The following APC variants were observed in gnomAD, a reference collection of about 807,000 sequenced individuals.
APC encodes adenomatous polyposis coli protein.
In APC, 72 loss-of-function variants were observed where a neutral mutation model predicts 247.0. That is an observed-to-expected ratio of 0.29 (90% CI 0.24 to 0.35). The LOEUF is 0.35. Ranked by LOEUF, APC falls within the 10% of genes least tolerant of loss-of-function variation. The pLI is 1.00. For missense variants in APC, 3,400 were observed against 3,360.7 expected (o/e 1.01, Z -0.29); for synonymous variants, 1,254 against 1,162.5 (o/e 1.08, Z -1.60).
At chr5:112,723,651 TGTCCCAGCCCTGCCCACA>T (rs1751606836) in intron 1 of APC, among the ~76,000 whole-genome samples, 1 of 152,218 alleles carries the variant, frequency 6.6e-6, no homozygotes, top group Non-Finnish European at 1.5e-5. Context: ...GGAATGATGA[TGTCCCAGCCCTGCCCACA>T]AAAAACCATT....
intron 7 of APC, among the ~76,000 whole-genome samples, chr5:112,800,289 C>G (rs1057357186): frequency 3.3e-5 from 5 of 152,092 alleles, no homozygotes; most frequent in African/African-American, 4.8e-5. Flanking sequence ...TATATCTATT[C>G]TTGTGGATTC....
intron 5 of APC, among the ~76,000 whole-genome samples, chr5:112,779,976 G>T (rs1758145656): frequency 6.6e-6 from 1 of 152,144 alleles, no homozygotes; most frequent in Non-Finnish European, 1.5e-5. Context: ...AACATTGCCT[G>T]ATTCCCTTCA....
chr5:112,714,444 A>T (rs994929307), intron 1 of APC, among the ~76,000 whole-genome samples: 2 of 152,258 alleles, frequency 1.3e-5, no homozygotes, highest in Non-Finnish European at 2.9e-5. Flanking sequence ...GCTTAAACAA[A>T]AAAAGGGACT....
At chr5:112,721,436 A>G (rs540758305) in intron 1 of APC, among the ~76,000 whole-genome samples, 2 of 152,318 alleles carry the variant, frequency 1.3e-5, no homozygotes, top group Admixed American at 6.5e-5. Flanking sequence ...AAATAAAAAA[A>G]TAAAGACTGA....
At chr5:112,835,230 T>A in intron 15 of APC, 65 bp downstream of exon 15, 1 of 1,367,318 alleles carries the variant, frequency 7.3e-7, no homozygotes, top group Admixed American at 1.9e-5. Context: ...GACCTAATTG[T>A]AAGCAATGTT....
At chr5:112,748,461 T>A (rs1461442261) in intron 1 of APC, among the ~76,000 whole-genome samples, 1 of 152,194 alleles carries the variant, frequency 6.6e-6, no homozygotes, top group African/African-American at 2.4e-5. Flanking sequence ...TTCTCTTTTT[T>A]AAATTTTACT....
At chr5:112,830,032 A>G (rs1028578066) in intron 14 of APC, 1 of 152,114 alleles carries the variant, frequency 6.6e-6, no homozygotes, top group Admixed American at 6.5e-5. Context: ...TAGTCCTCCT[A>G]TACCCACAGC....
Position 112,842,090 on chromosome 5 carries a change from C to A in APC, c.6496C>A (p.Arg2166=), listed in dbSNP as rs764527706. 12 of 1,610,218 alleles carry A rather than the reference C, an allele frequency of 7.5e-6. No individual in the cohort carries two copies. The highest frequency in any genetic ancestry group is 1.0e-5 in the Non-Finnish European group (12 of 1,177,062). ...EKPFTSNKGP[R]ILKPGEKSTL... ...ACCCTTTACAAGTAATAAAGGCCCA[C>A]GAATTCTAAAACCAGGGGAGAAAAG... Residue 2166 remains arginine, a synonymous_variant, in exon 16 of 16, where the codon CGA becomes AGA. Coordinates refer to ENST00000257430, the MANE Select transcript of APC (RefSeq NM_000038.6).
Position 112,717,908 on chromosome 5 carries a change from CTTTTTTTTTTTTTTTTTTT to C in APC, c.165+10037_165+10055del. Among the ~76,000 whole-genome samples, 5 of 40,656 alleles carry C rather than the reference CTTTTTTTTTTTTTTTTTTT, an allele frequency of 1.2e-4. 1 individual carries two copies. The South Asian group carries it at 3.9e-3, about 31-fold the overall frequency. The allele number at this position is 40,656 out of a possible 152,430, so 26.7% of individuals were successfully genotyped here. On this transcript the variant is annotated intron_variant, in intron 1 of 13. Transcript: ENST00000507379. The stretch of plus-strand genomic sequence containing the variant: ...CTCTTTTCTTTTTCTTTTTCTTTTT[CTTTTTTTTTTTTTTTTTTT>C]TTTTTTTTTTGCTTCTTTTTGACCT...
At chr5:112,832,273 C>T (rs1764376625) in intron 14 of APC, among the ~76,000 whole-genome samples, 1 of 152,082 alleles carries the variant, frequency 6.6e-6, no homozygotes, top group East Asian at 1.9e-4. Flanking sequence ...CATCTTAATT[C>T]AGTCCTTTAA....
At chr5:112,836,696 G>T (rs1207532903) in intron 15 of APC, among the ~76,000 whole-genome samples, 1 of 151,968 alleles carries the variant, frequency 6.6e-6, no homozygotes, top group East Asian at 1.9e-4. Context: ...CCAAAGAGCA[G>T]TTTTTCTTTT....
intron 9 of APC, 111 bp from the exon 10 acceptor site, chr5:112,818,855 G>GGGTGTTTTGTTTTTTTTGTGT: frequency 8.9e-7 from 1 of 1,118,296 alleles, no homozygotes; most frequent in Non-Finnish European, 1.3e-6. Flanking sequence ...GGCGGGGGGG[G>GGGTGTTTTGTTTTTTTTGTGT]TTGTTTTGTT....
At chr5:112,757,916 T>C (rs1455381655) in intron 2 of APC, among the ~76,000 whole-genome samples, 1 of 152,162 alleles carries the variant, frequency 6.6e-6, no homozygotes, top group East Asian at 1.9e-4. Flanking sequence ...TATAATGATA[T>C]TATTGTGTTT....
intron 13 of APC, among the ~76,000 whole-genome samples, chr5:112,828,234 A>G (rs2149815014): frequency 6.6e-6 from 1 of 152,134 alleles, no homozygotes; most frequent in Non-Finnish European, 1.5e-5. Context: ...GGGTTTCACC[A>G]CACCTGGGCT....
At chr5:112,812,901 T>G (rs950831201) in intron 8 of APC, among the ~76,000 whole-genome samples, 2 of 152,194 alleles carry the variant, frequency 1.3e-5, no homozygotes, top group Admixed American at 6.5e-5. Flanking sequence ...TGGAAAGAGA[T>G]GTAAGATGAG....
intron 4 of APC, among the ~76,000 whole-genome samples, chr5:112,774,079 T>A (rs901529060): frequency 1.5e-4 from 23 of 152,186 alleles, no homozygotes; most frequent in African/African-American, 5.1e-4. Flanking sequence ...AAATGAGGTA[T>A]AGGTATAAGG....
chr5:112,732,137 G>C (rs1482280284), intron 1 of APC, among the ~76,000 whole-genome samples: 1 of 152,152 alleles, frequency 6.6e-6, no homozygotes, highest in Admixed American at 6.5e-5. Flanking sequence ...GCAAGATACC[G>C]GGAAAGCTTT....
intron 7 of APC, among the ~76,000 whole-genome samples, chr5:112,795,153 AG>A (rs1243341234): frequency 6.6e-6 from 1 of 152,158 alleles, no homozygotes; most frequent in Non-Finnish European, 1.5e-5. Context: ...CAGCCTCCCT[AG>A]TAGCTGGGAT....
At chr5:112,752,656 G>A (rs1018811529) in intron 1 of APC, among the ~76,000 whole-genome samples, 5 of 152,130 alleles carry the variant, frequency 3.3e-5, no homozygotes, top group Admixed American at 1.3e-4. Context: ...TATGCAATTC[G>A]TGTAATTGCA....
Sources: allele counts gnomAD v4.1 joint callset (sites outside exome capture counted in the v4.1 genomes callset), GRCh38; gene constraint gnomAD v4.1.1; transcripts MANE v1.5; gene names NCBI Gene and HGNC (gene_info 2026-07-23, HGNC 2026-07-21).